Variants in TRAPPC9 observed in about 807,000 individuals in gnomAD.
TRAPPC9 encodes the protein trafficking protein particle complex subunit 9.
Under a neutral mutation model 124.0 loss-of-function variants are expected in TRAPPC9, and 83 were observed. The observed-to-expected ratio is 0.67, with a 90% CI of 0.56 to 0.80. The LOEUF (loss-of-function observed/expected upper bound fraction) is 0.80, where lower values mean the gene tolerates loss of function less well. Ranked by LOEUF, TRAPPC9 falls within the 30% of genes least tolerant of loss-of-function variation. TRAPPC9 has a pLI of 0.00. For missense variants in TRAPPC9, 1,302 were observed against 1,508.3 expected, an observed-to-expected ratio of 0.86 and a Z score of 2.27; for synonymous variants, 638 against 617.5, an observed-to-expected ratio of 1.03 and a Z score of -0.49.
At chr8:139,747,531 G>A (rs1472599966) in intron 21 of TRAPPC9, among the ~76,000 whole-genome samples, 6 of 119,230 alleles carry the variant, frequency 5.0e-5, no homozygotes, top group South Asian at 3.3e-4. Flanking sequence ...ACACACAGCA[G>A]GAGTCAGAGC....
intron 21 of TRAPPC9, among the ~76,000 whole-genome samples, chr8:139,855,718 G>A (rs369703458): frequency 4.6e-5 from 7 of 152,318 alleles, no homozygotes; most frequent in African/African-American, 4.8e-5. Flanking sequence ...GTCCAGGAGC[G>A]GCATGTGGGG....
intron 8 of TRAPPC9, among the ~76,000 whole-genome samples, chr8:140,369,450 G>A (rs2068215905): frequency 6.6e-6 from 1 of 152,184 alleles, no homozygotes; most frequent in African/African-American, 2.4e-5. Flanking sequence ...CGAACTACCT[G>A]TTGAATCAAT....
chr8:139,975,601 G>T (rs1055339200), intron 19 of TRAPPC9, among the ~76,000 whole-genome samples: 10 of 152,134 alleles, frequency 6.6e-5, no homozygotes, highest in African/African-American at 2.4e-4. Flanking sequence ...AAAATATAAA[G>T]ATCAATTTCC....
intron 17 of TRAPPC9, among the ~76,000 whole-genome samples, chr8:140,122,754 G>A (rs539007839): frequency 6.6e-6 from 1 of 152,166 alleles, no homozygotes; most frequent in Non-Finnish European, 1.5e-5. Flanking sequence ...GGGGATCCAT[G>A]CTGCAAGGCA....
chr8:140,147,861 A>G (rs1175456362), intron 17 of TRAPPC9, among the ~76,000 whole-genome samples: 1 of 152,266 alleles, frequency 6.6e-6, no homozygotes, highest in Non-Finnish European at 1.5e-5. Flanking sequence ...AAGCACATGG[A>G]GCCTGTGACC....
intron 16 of TRAPPC9, among the ~76,000 whole-genome samples, chr8:140,244,018 G>C (rs1442764851): frequency 1.3e-5 from 2 of 152,218 alleles, no homozygotes; most frequent in East Asian, 3.9e-4. Context: ...GCACACCAAG[G>C]ATCTAGGTTG....
At chr8:140,105,398 G>C (rs973916811) in intron 17 of TRAPPC9, among the ~76,000 whole-genome samples, 1 of 152,146 alleles carries the variant, frequency 6.6e-6, no homozygotes, top group African/African-American at 2.4e-5. Flanking sequence ...TGGGCTGGTC[G>C]GATGGTTCCT....
chr8:139,732,976 C>T (rs1482986754), intron 21 of TRAPPC9, among the ~76,000 whole-genome samples: 1 of 152,096 alleles, frequency 6.6e-6, no homozygotes, highest in South Asian at 2.1e-4. Context: ...AGGAAGGAGG[C>T]TGAGGTCAGG....
In TRAPPC9 at chr8:140,002,067, A is replaced by C. The variant is rs1286922217; in HGVS notation, c.2700-13231T>G. Among the ~76,000 whole-genome samples, 4 of 152,190 alleles carry C rather than the reference A, an allele frequency of 2.6e-5. No individual in the cohort carries two copies. In the East Asian group the frequency reaches 7.7e-4, roughly 29 times the overall value. ...TTCTATACAAAATAGCAGAAGAAAC[A>C]CTTCTCAGAACATTTTATGAGGTCA... On this transcript the variant is annotated intron_variant, in intron 18 of 22. Transcript: ENST00000438773.
At chr8:140,238,744 C>T (rs187967992) in intron 16 of TRAPPC9, among the ~76,000 whole-genome samples, 13 of 152,306 alleles carry the variant, frequency 8.5e-5, no homozygotes, top group Middle Eastern at 3.4e-3. Flanking sequence ...AACAACAATG[C>T]GCCCCTCTTG....
chr8:140,174,253 G>A (rs1426953091), intron 17 of TRAPPC9, among the ~76,000 whole-genome samples: 1 of 152,086 alleles, frequency 6.6e-6, no homozygotes, highest in South Asian at 2.1e-4. Context: ...GAGAGAAGCA[G>A]GAAATATGAC....
chr8:139,775,898 C>T (rs1821330531), intron 21 of TRAPPC9, among the ~76,000 whole-genome samples: 1 of 152,220 alleles, frequency 6.6e-6, no homozygotes, highest in Non-Finnish European at 1.5e-5. Flanking sequence ...TCCATTTCCA[C>T]AGATGAGAGT....
intron 21 of TRAPPC9, among the ~76,000 whole-genome samples, chr8:139,820,142 A>C (rs1825157553): frequency 6.6e-6 from 1 of 151,988 alleles, no homozygotes; most frequent in Non-Finnish European, 1.5e-5. Flanking sequence ...AGAAAAGAAA[A>C]CTCTTAAAAT....
chr8:140,092,202 CTT>C (rs59459486), intron 17 of TRAPPC9, among the ~76,000 whole-genome samples: 40 of 134,044 alleles, frequency 3.0e-4, no homozygotes, highest in African/African-American at 7.1e-4. Flanking sequence ...TTTAATTTTT[CTT>C]TTTTTTTTTT....
At chr8:140,082,980 G>A (rs1843931635) in intron 17 of TRAPPC9, among the ~76,000 whole-genome samples, 2 of 152,262 alleles carry the variant, frequency 1.3e-5, no homozygotes, top group Non-Finnish European at 2.9e-5. Flanking sequence ...GGATCACAAG[G>A]TCAAGAGATC....
chr8:139,877,948 G>A (rs1033160354), intron 21 of TRAPPC9, among the ~76,000 whole-genome samples: 3 of 152,152 alleles, frequency 2.0e-5, no homozygotes, highest in South Asian at 2.1e-4. Context: ...TCCGAGCCAC[G>A]CAACTGCTGT....
At chr8:140,297,132 G>A (rs890334949) in intron 11 of TRAPPC9, among the ~76,000 whole-genome samples, 10 of 152,242 alleles carry the variant, frequency 6.6e-5, no homozygotes, top group African/African-American at 2.2e-4. Flanking sequence ...AACACACGCT[G>A]GAGCACATCT....
At chr8:140,369,897 A>G (rs2068228732) in intron 8 of TRAPPC9, among the ~76,000 whole-genome samples, 1 of 152,098 alleles carries the variant, frequency 6.6e-6, no homozygotes, top group Non-Finnish European at 1.5e-5. Flanking sequence ...GGCTGCAGTG[A>G]GCCAAGATCA....
At chr8:139,765,304 C>T (rs1235446271) in intron 21 of TRAPPC9, among the ~76,000 whole-genome samples, 3 of 152,240 alleles carry the variant, frequency 2.0e-5, no homozygotes, top group African/African-American at 4.8e-5. Flanking sequence ...GAAGACCCCA[C>T]TGAATGGGAT....
Sources: allele counts gnomAD v4.1 joint callset (sites outside exome capture counted in the v4.1 genomes callset), GRCh38; gene constraint gnomAD v4.1.1; transcripts MANE v1.5; gene names NCBI Gene and HGNC (gene_info 2026-07-23, HGNC 2026-07-21).